Variants in SLIT3 observed in about 807,000 individuals in gnomAD.
SLIT3 encodes slit homolog 3 protein.
A neutral mutation model predicts 184.0 loss-of-function variants in SLIT3; 68 were observed. That is an observed-to-expected ratio of 0.37 (90% CI 0.30 to 0.45). The LOEUF (loss-of-function observed/expected upper bound fraction) is 0.45. Ranked by LOEUF, SLIT3 falls within the 20% of genes least tolerant of loss-of-function variation. The pLI is 1.00. For missense variants in SLIT3, 1,707 were observed against 2,026.0 expected, an observed-to-expected ratio of 0.84 and a Z score of 3.02; for synonymous variants, 831 against 828.6, an observed-to-expected ratio of 1.00 and a Z score of -0.05.
At chr5:169,238,111 A>G (rs1765264476) in intron 3 of SLIT3, among the ~76,000 whole-genome samples, 2 of 152,320 alleles carry the variant, frequency 1.3e-5, no homozygotes, top group African/African-American at 4.8e-5. Context: ...CTGGATTACT[A>G]TAGCTTTACA....
intron 4 of SLIT3, among the ~76,000 whole-genome samples, chr5:168,942,291 G>A (rs537396253): frequency 6.6e-6 from 1 of 152,238 alleles, no homozygotes; most frequent in East Asian, 1.9e-4. Context: ...ACATTATTGA[G>A]CCACTAGATC....
chr5:168,830,035 G>C (rs1276637221), intron 6 of SLIT3, among the ~76,000 whole-genome samples: 1 of 152,212 alleles, frequency 6.6e-6, no homozygotes, highest in African/African-American at 2.4e-5. Context: ...CTGATGGGCA[G>C]CCAACATGGG....
Position 168,861,690 on chromosome 5 carries a change from G to A in SLIT3, c.486-17035C>T, listed in dbSNP as rs752532362. 9.4e-4 allele frequency among the ~76,000 whole-genome samples: 143 copies of A among 152,224 alleles called. 2 individuals are homozygous for A. Among genetic ancestry groups the A allele is most frequent in the Middle Eastern group, 6.8e-3 (2 of 294 alleles). On this transcript the variant is annotated intron_variant, in intron 5 of 35. Coordinates refer to ENST00000519560, the MANE Select transcript of SLIT3 (RefSeq NM_003062.4). ...TTGCACATCCACAACCCAACTGTAC[G>A]GGTTGACAGCAGGTTCCCCAAGCTG... is the stretch of plus-strand genomic sequence containing the variant.
At chr5:168,979,370 ATC>A (rs1369998757) in intron 4 of SLIT3, among the ~76,000 whole-genome samples, 4 of 152,190 alleles carry the variant, frequency 2.6e-5, no homozygotes, top group Admixed American at 2.0e-4. Context: ...GGAAAAGAGG[ATC>A]TGTTTCTCAG....
At chr5:168,677,238 A>G (rs570586449) in intron 32 of SLIT3, among the ~76,000 whole-genome samples, 1 of 152,278 alleles carries the variant, frequency 6.6e-6, no homozygotes, top group South Asian at 2.1e-4. Context: ...TTCTGCTTCT[A>G]TTCAATGAGT....
chr5:168,792,790 T>C (rs1756421783), intron 10 of SLIT3, among the ~76,000 whole-genome samples: 1 of 152,170 alleles, frequency 6.6e-6, no homozygotes, highest in African/African-American at 2.4e-5. Context: ...TGATACAGGT[T>C]GAGTATCCCT....
At chr5:169,041,808 A>C (rs1004310791) in intron 4 of SLIT3, among the ~76,000 whole-genome samples, 21 of 152,330 alleles carry the variant, frequency 1.4e-4, no homozygotes, top group African/African-American at 4.8e-4. Context: ...TAAGGCTAAC[A>C]ATGAAGTCAG....
At chr5:169,112,703 G>A (rs114008822) in intron 4 of SLIT3, among the ~76,000 whole-genome samples, 289 of 152,210 alleles carry the variant, frequency 1.9e-3, no homozygotes, top group African/African-American at 6.7e-3. Context: ...GCTTCCCTTG[G>A]CTGCTGACTT....
intron 20 of SLIT3, among the ~76,000 whole-genome samples, chr5:168,728,277 C>CATATACATATAT (rs1327015739): frequency 3.5e-5 from 5 of 140,964 alleles, no homozygotes; most frequent in Admixed American, 7.1e-5. Flanking sequence ...TAATCAACAA[C>CATATACATATAT]ATATATATAT....
intron 4 of SLIT3, among the ~76,000 whole-genome samples, chr5:168,917,968 C>CATAT (rs1581209564): frequency 6.6e-6 from 1 of 152,204 alleles, no homozygotes; most frequent in Non-Finnish European, 1.5e-5. Flanking sequence ...TATGGATTAT[C>CATAT]ATTTTGATTA....
intron 3 of SLIT3, 54 bp from the exon 4 acceptor site, chr5:169,193,604 C>T (rs1763635874): frequency 6.8e-6 from 9 of 1,316,690 alleles, no homozygotes; most frequent in South Asian, 1.2e-5. Flanking sequence ...CCAGATCAAA[C>T]GTATTCAGAT....
At chr5:168,876,539 CTTTACATA>C (rs1759738096) in intron 5 of SLIT3, among the ~76,000 whole-genome samples, 1 of 152,208 alleles carries the variant, frequency 6.6e-6, no homozygotes, top group Non-Finnish European at 1.5e-5. Context: ...ACCTCTGTCC[CTTTACATA>C]TGTTGGTGAA....
chr5:169,185,089 A>G (rs1763290016), intron 4 of SLIT3, among the ~76,000 whole-genome samples: 1 of 152,178 alleles, frequency 6.6e-6, no homozygotes, highest in Non-Finnish European at 1.5e-5. Context: ...TTCAGGTACT[A>G]CAGAGAGAAT....
intron 4 of SLIT3, among the ~76,000 whole-genome samples, chr5:169,045,237 T>A (rs529579614): frequency 2.0e-5 from 3 of 152,108 alleles, no homozygotes; most frequent in Non-Finnish European, 4.4e-5. Context: ...GTGACTCCTG[T>A]AGGCTGGAGC....
intron 20 of SLIT3, among the ~76,000 whole-genome samples, chr5:168,736,706 G>A (rs1245666858): frequency 6.9e-6 from 1 of 144,802 alleles, no homozygotes; most frequent in African/African-American, 2.8e-5. Context: ...AATGCAGAGT[G>A]CCTGGGCTTG....
intron 3 of SLIT3, among the ~76,000 whole-genome samples, chr5:169,196,990 C>A (rs1408825223): frequency 6.6e-6 from 1 of 152,100 alleles, no homozygotes; most frequent in East Asian, 1.9e-4. Flanking sequence ...CCATTCCAGG[C>A]AAAAATCCTA....
At chr5:169,100,283 C>T (rs937023501) in intron 4 of SLIT3, among the ~76,000 whole-genome samples, 1 of 152,034 alleles carries the variant, frequency 6.6e-6, no homozygotes, top group African/African-American at 2.4e-5. Context: ...AAGGAGAGGA[C>T]AGCAAAAAGC....
chr5:169,093,432 T>A (rs1241647014), intron 4 of SLIT3, among the ~76,000 whole-genome samples: 2 of 150,904 alleles, frequency 1.3e-5, no homozygotes, highest in African/African-American at 4.9e-5. Flanking sequence ...TTTAACTTAA[T>A]ATTCAAAAGA....
At chr5:168,766,307 G>C (rs1755343293) in intron 14 of SLIT3, among the ~76,000 whole-genome samples, 1 of 152,236 alleles carries the variant, frequency 6.6e-6, no homozygotes, top group Non-Finnish European at 1.5e-5. Context: ...AGCAGAAAGA[G>C]GAATTGGGGG....
Sources: allele counts gnomAD v4.1 joint callset (sites outside exome capture counted in the v4.1 genomes callset), GRCh38; gene constraint gnomAD v4.1.1; transcripts MANE v1.5; gene names NCBI Gene and HGNC (gene_info 2026-07-23, HGNC 2026-07-21).